Variants in SENP7 observed in about 807,000 individuals in gnomAD.
SENP7 encodes the protein sentrin-specific protease 7.
A neutral mutation model predicts 141.2 loss-of-function variants in SENP7; 64 were observed. The observed-to-expected ratio is 0.45, with a 90% CI of 0.37 to 0.56. The LOEUF is 0.56. Ranked by LOEUF, SENP7 falls within the 20% of genes least tolerant of loss-of-function variation. The pLI is 0.00. For synonymous variants in SENP7, 382 were observed against 426.4 expected (o/e 0.90, Z 1.28); for missense variants, 1,025 against 1,212.2 (o/e 0.85, Z 2.29).
At chr3:101,495,016 A>T (rs1423411419) in intron 2 of SENP7, among the ~76,000 whole-genome samples, 1 of 152,130 alleles carries the variant, frequency 6.6e-6, no homozygotes, top group Non-Finnish European at 1.5e-5. Context: ...TGGGAGAAAA[A>T]TTTGGCAGTC....
chr3:101,399,484 G>T (rs2061069574), intron 5 of SENP7, among the ~76,000 whole-genome samples: 1 of 152,152 alleles, frequency 6.6e-6, no homozygotes, highest in African/African-American at 2.4e-5. Context: ...ATTGGGAAAT[G>T]ACAAATAATA....
intron 10 of SENP7, among the ~76,000 whole-genome samples, chr3:101,363,756 A>G (rs931917941): frequency 6.6e-6 from 1 of 152,246 alleles, no homozygotes; most frequent in Non-Finnish European, 1.5e-5. Context: ...CCCATGAAAC[A>G]ATAATCAGAC....
intron 19 of SENP7, among the ~76,000 whole-genome samples, chr3:101,330,641 C>A (rs761326498): frequency 6.6e-6 from 1 of 152,142 alleles, no homozygotes; most frequent in Non-Finnish European, 1.5e-5. Context: ...GGCAAATTCT[C>A]TATAAAAAGA....
In SENP7 at chr3:101,364,905, T is replaced by C. The variant is rs773393974; in HGVS notation, c.1405A>G (p.Thr469Ala). The part of the protein sequence containing the change: ...KLQSKQDRET[T>A]NENESTSESA... ...TCAGAAGTACTCTCATTTTCATTAG[T>C]TGTCTCACGGTCTTGCTTAGATTGT... is the stretch of plus-strand genomic sequence containing the variant. The change falls in exon 10 of 24, where the codon ACT becomes GCT. Residue 469 changes from threonine to alanine, a missense_variant. Physicochemically the swap from Thr to Ala is moderately conservative, Grantham distance 58. Around this residue, in one of 4 missense-constraint regions of SENP7, gnomAD observed 228 missense variants for 228.5 expected, o/e 1.00. Coordinates refer to ENST00000394095, the MANE Select transcript of SENP7 (RefSeq NM_020654.5). 1.9e-6 allele frequency: 3 copies of C among 1,604,530 alleles called. No homozygotes were observed. Among genetic ancestry groups the C allele is most frequent in the African/African-American group, 1.3e-5 (1 of 74,718 alleles).
At chr3:101,442,051 T>C (rs2062696317) in intron 4 of SENP7, among the ~76,000 whole-genome samples, 1 of 151,894 alleles carries the variant, frequency 6.6e-6, no homozygotes, top group Non-Finnish European at 1.5e-5. Flanking sequence ...CTCTACCAAA[T>C]GAGGTTAATC....
At chr3:101,441,661 C>T (rs2062679239) in intron 4 of SENP7, among the ~76,000 whole-genome samples, 1 of 152,114 alleles carries the variant, frequency 6.6e-6, no homozygotes, top group Non-Finnish European at 1.5e-5. Flanking sequence ...ACATGCTGAC[C>T]AGGGACCCAA....
chr3:101,343,646 C>G, intron 14 of SENP7, 40 bp downstream of exon 14: 6 of 1,531,272 alleles, frequency 3.9e-6, no homozygotes, highest in Non-Finnish European at 5.3e-6. Flanking sequence ...GTTTTCTGAA[C>G]CTCCCCCTTC....
intron 4 of SENP7, among the ~76,000 whole-genome samples, chr3:101,422,964 T>G (rs1275080544): frequency 1.3e-5 from 2 of 152,106 alleles, no homozygotes; most frequent in Non-Finnish European, 2.9e-5. Flanking sequence ...CCAAATAAAT[T>G]CAGAAATCAG....
chr3:101,504,995 G>A (rs1432789882), intron 1 of SENP7, among the ~76,000 whole-genome samples: 1 of 152,078 alleles, frequency 6.6e-6, no homozygotes, highest in African/African-American at 2.4e-5. Flanking sequence ...AGCCCAGGAG[G>A]TCGAGGCTGC....
At position 101,332,853 on chromosome 3, in the gene SENP7, CTGTGCCATTCTGAGAG is replaced by C; in HGVS notation, c.2481-7_2489del. 1 of 1,577,418 alleles carries C rather than the reference CTGTGCCATTCTGAGAG, an allele frequency of 6.3e-7. No individual in the cohort carries two copies. Among genetic ancestry groups the C allele is most frequent in the Non-Finnish European group, 8.6e-7 (1 of 1,166,776 alleles). On this transcript the variant is annotated splice_acceptor_variant and splice_polypyrimidine_tract_variant and coding_sequence_variant and intron_variant, in exon 18 of 24. Transcript: ENST00000394095. LOFTEE classifies it high-confidence loss of function. ...ATGTTCTTACTCTTTTATGTCTTCT[CTGTGCCATTCTGAGAG>C]TATGAAAGACAGATTTGATATATAA...
At chr3:101,417,447 C>T (rs551256849) in intron 5 of SENP7, 146 bp downstream of exon 5, 5 of 622,728 alleles carry the variant, frequency 8.0e-6, no homozygotes, top group East Asian at 5.4e-5. Flanking sequence ...TTAAGATAGG[C>T]AGCTTTAAGA....
chr3:101,492,376 A>G (rs1034275634), intron 3 of SENP7, among the ~76,000 whole-genome samples: 1 of 150,992 alleles, frequency 6.6e-6, no homozygotes, highest in Non-Finnish European at 1.5e-5. Flanking sequence ...CCCTGTCTCA[A>G]AAAAAAAATA....
chr3:101,398,454 C>T (rs1010912785), intron 6 of SENP7, among the ~76,000 whole-genome samples: 7 of 151,804 alleles, frequency 4.6e-5, no homozygotes, highest in South Asian at 2.1e-4. Flanking sequence ...AACGAGACTC[C>T]GCCTCAAAAA....
At chr3:101,501,611 C>T (rs2108161313) in intron 1 of SENP7, among the ~76,000 whole-genome samples, 1 of 152,244 alleles carries the variant, frequency 6.6e-6, no homozygotes, top group East Asian at 1.9e-4. Flanking sequence ...CTCTTTTACT[C>T]ACCAACATTT....
chr3:101,486,354 A>G (rs2064729289), intron 3 of SENP7, among the ~76,000 whole-genome samples: 1 of 152,206 alleles, frequency 6.6e-6, no homozygotes. Context: ...AAGAGCTGTG[A>G]GACAGAAGCA....
At chr3:101,407,248 A>G (rs1175492528) in intron 5 of SENP7, among the ~76,000 whole-genome samples, 1 of 152,208 alleles carries the variant, frequency 6.6e-6, no homozygotes, top group Non-Finnish European at 1.5e-5. Flanking sequence ...AAATATAAAC[A>G]TATATGCACC....
chr3:101,462,554 G>GA (rs2063582512), intron 3 of SENP7, among the ~76,000 whole-genome samples: 1 of 148,590 alleles, frequency 6.7e-6, no homozygotes, highest in African/African-American at 2.5e-5. Flanking sequence ...AAAAAAAAAA[G>GA]AAAGAAAGAA....
intron 5 of SENP7, among the ~76,000 whole-genome samples, chr3:101,400,234 C>T (rs907432307): frequency 1.3e-5 from 2 of 152,138 alleles, no homozygotes; most frequent in East Asian, 1.9e-4. Flanking sequence ...TTATTAGATG[C>T]CCAGTTGACT....
chr3:101,512,135 G>A (rs1382751289), intron 1 of SENP7, among the ~76,000 whole-genome samples: 1 of 152,268 alleles, frequency 6.6e-6, no homozygotes, highest in Middle Eastern at 3.4e-3. Flanking sequence ...ATCTGTAATT[G>A]TTAACTGTCT....
Sources: allele counts gnomAD v4.1 joint callset (sites outside exome capture counted in the v4.1 genomes callset), GRCh38; gene constraint gnomAD v4.1.1; regional missense constraint gnomAD v4.1.1; transcripts MANE v1.5; gene names NCBI Gene and HGNC (gene_info 2026-07-23, HGNC 2026-07-21).